The following TRMT9B variants were observed in gnomAD, a reference collection of about 807,000 sequenced individuals.
The protein encoded by TRMT9B is probable tRNA methyltransferase 9B.
Under a neutral mutation model 11.5 loss-of-function variants are expected in TRMT9B, and 16 were observed. The ratio of observed to expected loss-of-function variants is 1.39; its 90% CI spans 0.94 to 2.11. TRMT9B has a LOEUF of 2.11. Among genes scored for constraint, TRMT9B ranks in the 30% most tolerant of loss-of-function variants. The pLI is 0.00. For synonymous variants in TRMT9B, 274 were observed against 192.4 expected, an observed-to-expected ratio of 1.42 and a Z score of -3.51; for missense variants, 941 against 553.8, an observed-to-expected ratio of 1.70 and a Z score of -7.02.
At chr8:12,958,811 G>T (rs2128861045) in intron 1 of TRMT9B, 1 of 152,268 alleles carries the variant, frequency 6.6e-6, no homozygotes, top group African/African-American at 2.4e-5. Context: ...GGATGAAGCT[G>T]GAAACCATCA....
At chr8:12,978,487 G>A (rs575786220) in intron 1 of TRMT9B, among the ~76,000 whole-genome samples, 74 of 128,964 alleles carry the variant, frequency 5.7e-4, no homozygotes, top group South Asian at 4.2e-3. Flanking sequence ...CTGCTAACCC[G>A]CGACAGAGAG....
chr8:12,957,489 T>A (rs1042245903), intron 1 of TRMT9B, among the ~76,000 whole-genome samples: 5 of 152,128 alleles, frequency 3.3e-5, no homozygotes, highest in African/African-American at 1.2e-4. Flanking sequence ...ACAGGTACAT[T>A]CTCAATGTTA....
Position 13,006,260 on chromosome 8 carries a change from A to G in TRMT9B, c.58A>G (p.Thr20Ala), listed in dbSNP as rs975578196. The G allele has an allele frequency of 3.1e-6, 5 of 1,614,024 alleles. No individual in the cohort carries two copies. Among genetic ancestry groups the G allele is most frequent in the Non-Finnish European group, 3.4e-6 (4 of 1,179,888 alleles). ...GCATGTGCACAATGTGTACGAGAGC[A>G]CAGCCCCTTACTTCAGCGACCTGCA... ...KQHVHNVYES[T>A]APYFSDLQSK... The change falls in exon 3 of 5, where the codon ACA becomes GCA. Residue 20 changes from threonine to alanine, a missense_variant. Transcript: ENST00000524591.
chr8:13,007,811 A>G (rs558818910), intron 3 of TRMT9B: 125 of 152,332 alleles, frequency 8.2e-4, no homozygotes, highest in African/African-American at 2.8e-3. Context: ...CTCACACCTT[A>G]CATCAAAATA....
At chr8:12,959,278 G>GA (rs1801726404) in intron 1 of TRMT9B, among the ~76,000 whole-genome samples, 1 of 152,028 alleles carries the variant, frequency 6.6e-6, no homozygotes, top group African/African-American at 2.4e-5. Context: ...ATGCCAAGTG[G>GA]AAAAATCCCA....
At chr8:12,972,367 T>A (rs939026378) in intron 1 of TRMT9B, among the ~76,000 whole-genome samples, 3 of 152,076 alleles carry the variant, frequency 2.0e-5, no homozygotes, top group Non-Finnish European at 4.4e-5. Context: ...GGGAGGCAGA[T>A]CTCTTGGGAG....
chr8:12,972,833 A>G (rs548542192), intron 1 of TRMT9B, among the ~76,000 whole-genome samples: 2 of 152,360 alleles, frequency 1.3e-5, no homozygotes, highest in South Asian at 2.1e-4. Context: ...TAAAATATGC[A>G]TAATATAAAA....
chr8:13,024,061 T>TG lies in TRMT9B; in HGVS notation c.*2018dup, dbSNP rs397891230. ...TATTTCTTTTTTTTTTTTTTTTTTT[T>TG]GAGACAGAGTCTCGCTCTGTCGCCC... On this transcript the variant is annotated 3_prime_UTR_variant, in exon 5 of 5. Transcript: ENST00000524591. The TG allele has an allele frequency of 6.5e-6, 1 of 154,008 alleles. No individual in the cohort carries two copies. The highest frequency in any genetic ancestry group is 1.5e-5 in the Non-Finnish European group (1 of 67,138). 9.5% of individuals were successfully genotyped at this position (154,008 alleles called of 1,614,324 possible). A position where few individuals can be genotyped will look rare whatever the true frequency, so the allele number is the denominator to read the frequency against.
In TRMT9B at chr8:13,012,896, G is replaced by C. The variant is rs113109749; in HGVS notation, c.328+39G>C. ...ATCACACATTCACCCTTTGCCATGA[G>C]AATAATTGACCCGGTTTAGTCCGTT... On this transcript the variant is annotated intron_variant, in intron 4 of 4. Transcript: ENST00000524591. 6 of 1,604,218 alleles carry C rather than the reference G, an allele frequency of 3.7e-6. 1 individual carries two copies. The South Asian group carries it at 6.7e-5, about 18-fold the overall frequency.
At chr8:12,976,853 C>G (rs2466254) in intron 1 of TRMT9B, among the ~76,000 whole-genome samples, 122,115 of 152,122 alleles carry the variant, frequency 0.8, 49,097 homozygotes, top group Admixed American at 0.83. Flanking sequence ...AGCATCAGCT[C>G]TGACCTGCAG....
chr8:12,961,211 G>A (rs1455657012), intron 1 of TRMT9B, among the ~76,000 whole-genome samples: 2 of 151,964 alleles, frequency 1.3e-5, no homozygotes, highest in Admixed American at 6.6e-5. Flanking sequence ...TATGCATTTG[G>A]CAAAACACAA....
At chr8:12,954,677 A>T (rs1801071792) in intron 1 of TRMT9B, among the ~76,000 whole-genome samples, 1 of 152,238 alleles carries the variant, frequency 6.6e-6, no homozygotes, top group Non-Finnish European at 1.5e-5. Flanking sequence ...GGACAGACTG[A>T]AGAGTGATGC....
intron 1 of TRMT9B, among the ~76,000 whole-genome samples, 196 bp from the exon 2 acceptor site, chr8:12,990,638 G>A (rs1807171595): frequency 6.6e-6 from 1 of 152,134 alleles, no homozygotes; most frequent in African/African-American, 2.4e-5. Flanking sequence ...TTTATAGAAA[G>A]CTTAGGAATT....
chr8:12,956,702 T>C (rs1369877717), intron 1 of TRMT9B, among the ~76,000 whole-genome samples: 1 of 152,236 alleles, frequency 6.6e-6, no homozygotes. Context: ...TTTTCCCGAA[T>C]CTTTCTCTCC....
chr8:12,980,469 T>A (rs919592841), intron 1 of TRMT9B, among the ~76,000 whole-genome samples: 1 of 152,150 alleles, frequency 6.6e-6, no homozygotes, highest in African/African-American at 2.4e-5. Context: ...ATGGTGTGAC[T>A]ACACCATCTC....
intron 2 of TRMT9B, among the ~76,000 whole-genome samples, chr8:12,994,703 C>T (rs557863502): frequency 1.3e-4 from 20 of 152,080 alleles, no homozygotes; most frequent in Admixed American, 3.3e-4. Context: ...TTATTTGAGA[C>T]GGAGTTTCGC....
chr8:12,952,173 C>T (rs1256702219), intron 1 of TRMT9B: 3 of 454,666 alleles, frequency 6.6e-6, no homozygotes, highest in Admixed American at 2.4e-5. Context: ...AGAGCTGCTG[C>T]CAGTCGCCAC....
chr8:12,950,243 A>G (rs753325358), intron 1 of TRMT9B, among the ~76,000 whole-genome samples: 14 of 152,116 alleles, frequency 9.2e-5, no homozygotes, highest in Non-Finnish European at 1.6e-4. Context: ...GATTTCCCTT[A>G]TGTTTTCCTA....
At chr8:13,006,394 G>A (rs776596719) in intron 3 of TRMT9B, 38 bp downstream of exon 3, 10 of 896,760 alleles carry the variant, frequency 1.1e-5, no homozygotes, top group African/African-American at 5.1e-5. Flanking sequence ...AGGTAACCAG[G>A]CAGCCTCATC....
Sources: gnomAD v4.1 joint callset for allele counts (sites outside exome capture counted in the v4.1 genomes callset) on GRCh38, gnomAD v4.1.1 for gene constraint, MANE v1.5 for transcripts, NCBI Gene and HGNC (gene_info 2026-07-23, HGNC 2026-07-21) for gene names.